DARS1: variants seen among roughly 807,000 people sequenced by gnomAD.
The protein encoded by DARS1 is aspartyl-tRNA synthetase 1.
In DARS1, 51 loss-of-function variants were observed where a neutral mutation model predicts 68.8. The ratio of observed to expected loss-of-function variants is 0.74; its 90% CI spans 0.59 to 0.94. The LOEUF (loss-of-function observed/expected upper bound fraction) is 0.94, where lower values mean the gene tolerates loss of function less well. Among genes scored for constraint, DARS1 ranks in the 40% least tolerant of loss-of-function variants. The pLI, the probability that DARS1 is intolerant of heterozygous loss-of-function variation, is 0.00. For missense variants in DARS1, 607 were observed against 597.3 expected (o/e 1.02, Z -0.17); for synonymous variants, 203 against 190.4 (o/e 1.07, Z -0.55).
In DARS1 at chr2:135,946,311, G is replaced by A. The variant is rs2104821659; in HGVS notation, c.321-2831C>T. ...AAGAAGGGAGGAGAGAGGAGAATGA[G>A]GGTACCACTGCTAGCTTCTTTTCAT... On this transcript the variant is annotated intron_variant, in intron 4 of 15. Coordinates refer to ENST00000264161, the MANE Select transcript of DARS1 (RefSeq NM_001349.4). 1.3e-5 allele frequency among the ~76,000 whole-genome samples: 2 copies of A among 152,244 alleles called. 1 individual carries two copies. The highest frequency in any genetic ancestry group is 6.8e-3 in the Middle Eastern group (2 of 294).
chr2:135,964,581 C>A (rs2104836645), intron 3 of DARS1, among the ~76,000 whole-genome samples: 1 of 152,244 alleles, frequency 6.6e-6, no homozygotes, highest in South Asian at 2.1e-4. Flanking sequence ...TGGCTCACGC[C>A]TGTAATCCCA....
chr2:135,916,312 CA>C lies in DARS1; in HGVS notation c.1019del (p.Leu340TrpfsTer5). The C allele has an allele frequency of 1.3e-6, 2 of 1,536,742 alleles. No individual in the cohort carries two copies. Among genetic ancestry groups the C allele is most frequent in the Non-Finnish European group, 1.8e-6 (2 of 1,109,464 alleles). On this transcript the variant is annotated frameshift_variant, in exon 11 of 16. Transcript: ENST00000264161. LOFTEE classifies it high-confidence loss of function. ...AATATTCTAGTCTTAGAGTTGGCTC[CA>C]AAAATTTGAATGGCTCACATGGGAA... ...KQFPCEPFKF[L>X]EPTLRLEYCE...
intron 11 of DARS1, 169 bp from the exon 12 acceptor site, chr2:135,914,680 A>G (rs1680970174): frequency 3.2e-6 from 2 of 615,542 alleles, no homozygotes; most frequent in African/African-American, 1.9e-5. Flanking sequence ...AAAATCACTT[A>G]TGAGTATACC....
intron 5 of DARS1, among the ~76,000 whole-genome samples, chr2:135,937,163 A>G (rs1324742464): frequency 4.6e-5 from 7 of 152,078 alleles, no homozygotes; most frequent in Non-Finnish European, 7.4e-5. Flanking sequence ...ATCTTGGCTC[A>G]CTGCAACCTC....
chr2:135,975,690 G>A (rs1682481582), intron 3 of DARS1, among the ~76,000 whole-genome samples: 1 of 148,908 alleles, frequency 6.7e-6, no homozygotes, highest in Admixed American at 6.7e-5. Context: ...AGCTAAGGAG[G>A]CTGCAGTGAA....
In DARS1 at chr2:135,985,547, C is replaced by T. The variant is rs1238404190; in HGVS notation, c.-79G>A. 3 of 1,605,356 alleles carry T rather than the reference C, an allele frequency of 1.9e-6. No homozygotes were observed. The highest frequency in any genetic ancestry group is 2.2e-5 in the East Asian group (1 of 44,632). ...GCAGGCCAAAGGGGCTTCTCCCTCCCTCCCAGTCTCCGCCCTCCCGACCCT... is the reference window on the plus strand; with the variant it reads ...GCAGGCCAAAGGGGCTTCTCCCTCCTTCCCAGTCTCCGCCCTCCCGACCCT... On this transcript the variant is annotated 5_prime_UTR_variant, in exon 1 of 16. Coordinates refer to ENST00000264161, the MANE Select transcript of DARS1 (RefSeq NM_001349.4).
At chr2:135,934,097 A>G (rs1681414407) in intron 5 of DARS1, 107 bp from the exon 6 acceptor site, 12 of 1,444,092 alleles carry the variant, frequency 8.3e-6, no homozygotes, top group Non-Finnish European at 1.0e-5. Context: ...GTTTGCATAC[A>G]TCTTTAATTG....
At chr2:135,961,254 C>T (rs1682093865) in intron 4 of DARS1, 142 bp downstream of exon 4, 5 of 605,476 alleles carry the variant, frequency 8.3e-6, no homozygotes, top group Non-Finnish European at 1.5e-5. Context: ...ATGTATTCAG[C>T]AACACTGAAC....
intron 5 of DARS1, among the ~76,000 whole-genome samples, chr2:135,938,962 T>G (rs1403419949): frequency 6.6e-6 from 1 of 152,204 alleles, no homozygotes; most frequent in African/African-American, 2.4e-5. Context: ...AAGAGCTAAC[T>G]ATCCTAAATA....
rs191027859 is a variant in DARS1 at position 135,919,916 on chromosome 2, T to C, written c.959+537A>G. Among the ~76,000 whole-genome samples, 532 of 152,334 alleles carry C rather than the reference T, an allele frequency of 3.5e-3. 4 individuals carry two copies. Among genetic ancestry groups the C allele is most frequent in the South Asian group, 0.016 (75 of 4,828 alleles). ...TTAATTTACATGTCGACAGATTCAG[T>C]TGACTGAAGGAACTTTTTGCCTCTG... On this transcript the variant is annotated intron_variant, in intron 10 of 15. Transcript: ENST00000264161.
chr2:135,918,310 A>G (rs562338690), intron 10 of DARS1, among the ~76,000 whole-genome samples: 10 of 152,308 alleles, frequency 6.6e-5, no homozygotes, highest in Admixed American at 1.3e-4. Flanking sequence ...ATGACTATCA[A>G]TACTTTAAAA....
chr2:135,911,840 G>C (rs1036767848), intron 13 of DARS1, among the ~76,000 whole-genome samples: 6 of 152,134 alleles, frequency 3.9e-5, no homozygotes, highest in Non-Finnish European at 5.9e-5. Flanking sequence ...TAACAGGTGT[G>C]AGTCTTTAAA....
Position 135,979,372 on chromosome 2 carries a change from A to G in DARS1, c.125-6T>C, listed in dbSNP as rs1251293369. On this transcript the variant is annotated splice_polypyrimidine_tract_variant and splice_region_variant and intron_variant, in intron 2 of 15. Transcript: ENST00000264161. ...AACCCGAACCAAAACTCGATCTGTA[A>G]TAACAGTAAACGATTTTTATATAGT... 2 of 1,136,626 alleles carry G rather than the reference A, an allele frequency of 1.8e-6. No individual in the cohort carries two copies. Among genetic ancestry groups the G allele is most frequent in the Admixed American group, 1.8e-5 (1 of 55,436 alleles). The allele number at this position is 1,136,626 out of a possible 1,614,324, so 70.4% of individuals were successfully genotyped here.
intron 7 of DARS1, among the ~76,000 whole-genome samples, chr2:135,931,463 C>T (rs1284929414): frequency 6.6e-6 from 1 of 152,110 alleles, no homozygotes; most frequent in African/African-American, 2.4e-5. Context: ...GTTTTAAACT[C>T]GTGTGCTCAA....
chr2:135,966,163 A>C (rs1424000372), intron 3 of DARS1, among the ~76,000 whole-genome samples: 1 of 151,596 alleles, frequency 6.6e-6, no homozygotes, highest in Admixed American at 6.6e-5. Flanking sequence ...TCTGTCTGTA[A>C]ATGTATTTTT....
intron 4 of DARS1, among the ~76,000 whole-genome samples, chr2:135,948,609 A>C (rs1243854517): frequency 6.6e-6 from 1 of 152,176 alleles, no homozygotes; most frequent in Non-Finnish European, 1.5e-5. Context: ...TCATGCCTGT[A>C]ATCTCAGCAC....
intron 4 of DARS1, among the ~76,000 whole-genome samples, chr2:135,955,578 C>T (rs186847219): frequency 2.7e-5 from 4 of 149,422 alleles, no homozygotes; most frequent in East Asian, 2.0e-4. Context: ...CAAGAAACCA[C>T]GTATTTGCTA....
chr2:135,978,461 T>C (rs1263849074), intron 3 of DARS1, among the ~76,000 whole-genome samples: 4 of 152,160 alleles, frequency 2.6e-5, no homozygotes, highest in Non-Finnish European at 5.9e-5. Context: ...ATTTATAAAG[T>C]GGAATAGGAA....
intron 3 of DARS1, among the ~76,000 whole-genome samples, chr2:135,974,640 GA>G (rs1682456898): frequency 6.6e-6 from 1 of 152,098 alleles, no homozygotes; most frequent in South Asian, 2.1e-4. Context: ...CATTCATTTA[GA>G]ACTGGAATTT....
Sources: gnomAD v4.1 joint callset for allele counts (sites outside exome capture counted in the v4.1 genomes callset) on GRCh38, gnomAD v4.1.1 for gene constraint, MANE v1.5 for transcripts, NCBI Gene and HGNC (gene_info 2026-07-23, HGNC 2026-07-21) for gene names.